SEMA3E: variants seen among roughly 807,000 people sequenced by gnomAD.
SEMA3E encodes semaphorin 3E, also known as semaphorin-3E.
In SEMA3E, 49 loss-of-function variants were observed where a neutral mutation model predicts 93.6. The observed-to-expected ratio is 0.52, with a 90% CI of 0.42 to 0.66. The LOEUF is 0.66. Ranked by LOEUF, SEMA3E falls within the 30% of genes least tolerant of loss-of-function variation. The pLI, the probability that SEMA3E is intolerant of heterozygous loss-of-function variation, is 0.00. For missense variants in SEMA3E, 906 were observed against 964.8 expected (o/e 0.94, Z 0.81); for synonymous variants, 363 against 330.7 (o/e 1.10, Z -1.06).
At position 83,363,933 on chromosome 7, in the gene SEMA3E, G is replaced by T. The variant is rs1469329762; in HGVS notation, c.*3653C>A. The T allele has an allele frequency of 8.1e-6, 1 of 123,228 alleles. No individual in the cohort carries two copies. The highest frequency in any genetic ancestry group is 1.6e-5 in the Non-Finnish European group (1 of 63,924). 7.6% of individuals were successfully genotyped at this position (123,228 alleles called of 1,614,324 possible). On this transcript the variant is annotated 3_prime_UTR_variant, in exon 17 of 17. Transcript: ENST00000643230. Reference sequence around the variant, plus strand: ...GACGGAGTCTCGCTCTGTCGCCCAGGCCGGACTGCGGACTGCAGTGGCGCA... The same window carrying T: ...GACGGAGTCTCGCTCTGTCGCCCAGTCCGGACTGCGGACTGCAGTGGCGCA...
intron 16 of SEMA3E, among the ~76,000 whole-genome samples, 157 bp from the exon 17 acceptor site, chr7:83,368,195 CTCTCTCTCTCTCTCTGTG>C (rs1278728812): frequency 1.2e-5 from 1 of 82,924 alleles, no homozygotes; most frequent in African/African-American, 8.6e-5. Flanking sequence ...ATAATTACAT[CTCTCTCTCTCTCTCTGTG>C]TGTGTGTGTG....
At position 83,498,949 on chromosome 7, in the gene SEMA3E, C is replaced by T. The variant is rs73174580; in HGVS notation, c.116-8675G>A. On this transcript the variant is annotated intron_variant, in intron 1 of 16. Transcript: ENST00000643230. ...TGGGCATTCCTTCAAGTTTTTTATG[C>T]ATATGCAACAAATTAGATGTATAAA... 6.8e-3 allele frequency among the ~76,000 whole-genome samples: 1,034 copies of T among 152,242 alleles called. 6 individuals are homozygous for T. Among genetic ancestry groups the T allele is most frequent in the South Asian group, 0.013 (61 of 4,822 alleles).
chr7:83,455,429 C>T (rs1486718678), intron 4 of SEMA3E, among the ~76,000 whole-genome samples: 1 of 152,172 alleles, frequency 6.6e-6, no homozygotes, highest in Non-Finnish European at 1.5e-5. Flanking sequence ...CATTCTGGGC[C>T]TATGCCTTGC....
intron 1 of SEMA3E, among the ~76,000 whole-genome samples, chr7:83,592,158 A>G (rs964787123): frequency 6.6e-6 from 1 of 152,140 alleles, no homozygotes; most frequent in Admixed American, 6.6e-5. Flanking sequence ...TACTGCATAT[A>G]GTAACGGTTT....
intron 1 of SEMA3E, among the ~76,000 whole-genome samples, chr7:83,496,542 T>A (rs1790495028): frequency 6.6e-6 from 1 of 152,072 alleles, no homozygotes; most frequent in South Asian, 2.1e-4. Flanking sequence ...TTCATGACAT[T>A]TTTAGTTTTA....
chr7:83,393,828 C>T (rs1414837032), intron 13 of SEMA3E, among the ~76,000 whole-genome samples: 1 of 151,992 alleles, frequency 6.6e-6, no homozygotes, highest in Admixed American at 6.6e-5. Context: ...TATCATTGTT[C>T]TTGCACACTA....
At position 83,366,637 on chromosome 7, in the gene SEMA3E, A is replaced by C. The variant is rs747093210; in HGVS notation, c.*949T>G. On this transcript the variant is annotated 3_prime_UTR_variant, in exon 17 of 17. Coordinates refer to ENST00000643230, the MANE Select transcript of SEMA3E (RefSeq NM_012431.3). ...CTTGTGAGATAAATTATCTATAAAC[A>C]ATACTTTCATATTAAAGTATGATAC... The C allele has an allele frequency of 2.0e-5, 3 of 152,148 alleles. No homozygotes were observed. The highest frequency in any genetic ancestry group is 2.9e-5 in the Non-Finnish European group (2 of 67,980). The allele number at this position is 152,148 out of a possible 1,614,324, so 9.4% of individuals were successfully genotyped here. A position where few individuals can be genotyped will look rare whatever the true frequency, so the allele number is the denominator to read the frequency against.
At chr7:83,641,869 T>C (rs1794016057) in intron 1 of SEMA3E, among the ~76,000 whole-genome samples, 1 of 152,224 alleles carries the variant, frequency 6.6e-6, no homozygotes, top group African/African-American at 2.4e-5. Context: ...GGTTAAGTAT[T>C]CTGCACAGTA....
intron 2 of SEMA3E, among the ~76,000 whole-genome samples, chr7:83,477,516 T>C (rs986117246): frequency 1.3e-5 from 2 of 152,108 alleles, no homozygotes; most frequent in African/African-American, 4.8e-5. Context: ...GCCTTTATAC[T>C]TAATTATAAT....
intron 1 of SEMA3E, chr7:83,641,310 T>C (rs1259071399): frequency 2.3e-6 from 2 of 851,070 alleles, no homozygotes; most frequent in African/African-American, 3.7e-5. Flanking sequence ...TCAGGAACTG[T>C]GCATGGCACC....
intron 1 of SEMA3E, among the ~76,000 whole-genome samples, chr7:83,579,261 C>G: frequency 6.6e-6 from 1 of 151,870 alleles, no homozygotes; most frequent in East Asian, 1.9e-4. Flanking sequence ...TGTAATAAAC[C>G]ATGTAAGTGC....
At chr7:83,482,295 A>G (rs979500532) in intron 2 of SEMA3E, among the ~76,000 whole-genome samples, 2 of 152,110 alleles carry the variant, frequency 1.3e-5, no homozygotes, top group African/African-American at 4.8e-5. Context: ...GGCCAGGCGC[A>G]GTGGCCCACG....
chr7:83,394,282 A>G lies in SEMA3E; in HGVS notation c.1500+15T>C. ...AGAACACACACACCTACACACACAC[A>G]CACACAGAACTTACCCGCTTTGAAG... On this transcript the variant is annotated intron_variant, in intron 13 of 16. Coordinates refer to ENST00000643230, the MANE Select transcript of SEMA3E (RefSeq NM_012431.3). The G allele has an allele frequency of 6.2e-7, 1 of 1,612,920 alleles. No individual in the cohort carries two copies. The highest frequency in any genetic ancestry group is 8.5e-7 in the Non-Finnish European group (1 of 1,179,458).
At chr7:83,407,729 C>T (rs2722984) in intron 6 of SEMA3E, among the ~76,000 whole-genome samples, 77,063 of 151,878 alleles carry the variant, frequency 0.51, 22,408 homozygotes, top group East Asian at 0.85. Flanking sequence ...ATTTATTTTA[C>T]GTTTTTGGGA....
At chr7:83,535,710 A>G (rs1169380566) in intron 1 of SEMA3E, among the ~76,000 whole-genome samples, 1 of 152,152 alleles carries the variant, frequency 6.6e-6, no homozygotes, top group Non-Finnish European at 1.5e-5. Context: ...TTACTTTAAT[A>G]TTTTATTTTC....
At chr7:83,426,261 A>T (rs1297819434) in intron 4 of SEMA3E, among the ~76,000 whole-genome samples, 1 of 152,152 alleles carries the variant, frequency 6.6e-6, no homozygotes, top group Non-Finnish European at 1.5e-5. Flanking sequence ...TTCTACCAAT[A>T]AGACACATGC....
chr7:83,487,655 A>G (rs1790290404), intron 2 of SEMA3E, among the ~76,000 whole-genome samples: 1 of 149,222 alleles, frequency 6.7e-6, no homozygotes, highest in African/African-American at 2.5e-5. Flanking sequence ...TGAGAGAAAA[A>G]CCCATTGAAT....
In SEMA3E at chr7:83,368,042, C is replaced by T; in HGVS notation, c.1876-4G>A. On this transcript the variant is annotated splice_polypyrimidine_tract_variant and splice_region_variant and intron_variant, in intron 16 of 16. Coordinates refer to ENST00000643230, the MANE Select transcript of SEMA3E (RefSeq NM_012431.3). The stretch of plus-strand genomic sequence containing the variant: ...CCACTCTGTCATCTGTCTTCACCTG[C>T]AAAAACAAAAAAGTAAATGGCACTG... 6.2e-7 allele frequency: 1 copy of T among 1,613,170 alleles called. No individual in the cohort carries two copies. Among genetic ancestry groups the T allele is most frequent in the South Asian group, 1.1e-5 (1 of 91,070 alleles).
chr7:83,598,196 G>A (rs1792915524), intron 1 of SEMA3E, among the ~76,000 whole-genome samples: 1 of 152,142 alleles, frequency 6.6e-6, no homozygotes, highest in Non-Finnish European at 1.5e-5. Context: ...ACCTTTAGTG[G>A]CAGGCCTTAT....
Sources: allele counts gnomAD v4.1 joint callset (sites outside exome capture counted in the v4.1 genomes callset), GRCh38; gene constraint gnomAD v4.1.1; transcripts MANE v1.5; gene names NCBI Gene and HGNC (gene_info 2026-07-23, HGNC 2026-07-21).